Variants in GOLM2 observed in about 807,000 individuals in gnomAD.
GOLM2 encodes protein GOLM2.
In GOLM2, 26 loss-of-function variants were observed where a neutral mutation model predicts 55.9. That is an observed-to-expected ratio of 0.47 (90% CI 0.34 to 0.65). GOLM2 has a LOEUF of 0.65. GOLM2 is among the 30% of genes least tolerant of loss of function. The probability of loss-of-function intolerance (pLI) is 0.01; values close to 1 mark genes in which losing one functional copy is unlikely to be tolerated. For missense variants in GOLM2, 486 were observed against 531.8 expected, an observed-to-expected ratio of 0.91 and a Z score of 0.85; for synonymous variants, 165 against 194.6, an observed-to-expected ratio of 0.85 and a Z score of 1.27.
chr15:44,307,046 G>A (rs1052618342), intron 1 of GOLM2, among the ~76,000 whole-genome samples: 1 of 152,016 alleles, frequency 6.6e-6, no homozygotes, highest in East Asian at 1.9e-4. Context: ...GGGACATGAA[G>A]TGAGCACATG....
chr15:44,334,916 G>A (rs1165274863), intron 4 of GOLM2, among the ~76,000 whole-genome samples: 1 of 152,086 alleles, frequency 6.6e-6, no homozygotes, highest in African/African-American at 2.4e-5. Flanking sequence ...CTGTAATCCC[G>A]GCTACTCAGG....
chr15:44,366,043 A>G (rs1567036296), intron 6 of GOLM2, among the ~76,000 whole-genome samples: 1 of 152,124 alleles, frequency 6.6e-6, no homozygotes, highest in Non-Finnish European at 1.5e-5. Context: ...CACGCCTGTA[A>G]TCCCAGCACT....
chr15:44,376,772 CTTTT>C (rs1335421194), intron 6 of GOLM2, among the ~76,000 whole-genome samples: 1 of 151,950 alleles, frequency 6.6e-6, no homozygotes, highest in East Asian at 1.9e-4. Flanking sequence ...ATAATTACCT[CTTTT>C]TTTAATTTTT....
chr15:44,403,968 C>A (rs1483888724), intron 9 of GOLM2, among the ~76,000 whole-genome samples: 1 of 152,162 alleles, frequency 6.6e-6, no homozygotes, highest in Admixed American at 6.5e-5. Flanking sequence ...GTTACTTCTG[C>A]TGAGCATTTA....
At chr15:44,361,266 G>C (rs2079236365) in intron 6 of GOLM2, among the ~76,000 whole-genome samples, 1 of 152,112 alleles carries the variant, frequency 6.6e-6, no homozygotes, top group African/African-American at 2.4e-5. Flanking sequence ...AATCGAGCTG[G>C]TTTTTTGAAA....
chr15:44,310,504 A>C (rs1041880888), intron 1 of GOLM2, among the ~76,000 whole-genome samples: 34 of 141,692 alleles, frequency 2.4e-4, no homozygotes, highest in African/African-American at 6.8e-4. Flanking sequence ...ACACACACCC[A>C]CACACACACA....
chr15:44,351,318 T>C (rs1431698479), intron 6 of GOLM2, among the ~76,000 whole-genome samples: 2 of 152,114 alleles, frequency 1.3e-5, no homozygotes, highest in Non-Finnish European at 2.9e-5. Flanking sequence ...GGCTCACGCC[T>C]GTAATCCCAG....
intron 8 of GOLM2, among the ~76,000 whole-genome samples, chr15:44,382,642 A>C (rs11856569): frequency 0.33 from 49,516 of 151,876 alleles, 9,459 homozygotes; most frequent in Middle Eastern, 0.51. Context: ...TTTCTTCTAA[A>C]CTTATATTTA....
intron 9 of GOLM2, among the ~76,000 whole-genome samples, chr15:44,404,924 T>G (rs1406055951): frequency 1.3e-5 from 2 of 152,232 alleles, no homozygotes; most frequent in Non-Finnish European, 2.9e-5. Flanking sequence ...TATTCTCTAA[T>G]TTTTGTAAGG....
Position 44,380,726 on chromosome 15 carries a change from C to T in GOLM2, c.902-80C>T. 4.1e-6 allele frequency: 4 copies of T among 974,320 alleles called. No individual in the cohort carries two copies. The East Asian group carries it at 1.1e-4, about 26-fold the overall frequency. The allele number at this position is 974,320 out of a possible 1,614,324, so 60.4% of individuals were successfully genotyped here. A position where few individuals can be genotyped will look rare whatever the true frequency, so the allele number is the denominator to read the frequency against. ...TTAAACAATAGTGTGTCTTAGCTTT[C>T]TAAAGCAGATCTTGTGAAATTCATC... is the stretch of plus-strand genomic sequence containing the variant. On this transcript the variant is annotated intron_variant, in intron 7 of 9. Transcript: ENST00000299957.
chr15:44,399,247 T>C (rs1373200735), intron 8 of GOLM2, among the ~76,000 whole-genome samples: 1 of 152,250 alleles, frequency 6.6e-6, no homozygotes, highest in Non-Finnish European at 1.5e-5. Flanking sequence ...ATTCATTCAA[T>C]GTTTAATGCA....
intron 9 of GOLM2, among the ~76,000 whole-genome samples, chr15:44,411,308 A>G (rs1304780544): frequency 6.6e-6 from 1 of 151,978 alleles, no homozygotes; most frequent in Non-Finnish European, 1.5e-5. Flanking sequence ...AAGCTTGGAC[A>G]ACCATGCCTG....
In GOLM2 at chr15:44,414,673, T is replaced by C. The variant is rs563818876; in HGVS notation, c.*1267T>C. 1 of 152,412 alleles carries C rather than the reference T, an allele frequency of 6.6e-6. No homozygotes were observed. The highest frequency in any genetic ancestry group is 1.9e-4 in the East Asian group (1 of 5,190). 9.4% of individuals were successfully genotyped at this position (152,412 alleles called of 1,614,324 possible). On this transcript the variant is annotated 3_prime_UTR_variant, in exon 10 of 10. Transcript: ENST00000299957. ...TTCAGAAGTACTAAATAAGGAATTT[T>C]AACAGGTTTTTATTAATGCACAGAT... is the stretch of plus-strand genomic sequence containing the variant.
chr15:44,361,458 A>C lies in GOLM2; in HGVS notation c.803-18232A>C, dbSNP rs917578694. ...CTAGAAAATCTAGAAGAAATGGATAAATTCCTCGACACATACACTCTCCCA... is the reference window on the plus strand; with the variant it reads ...CTAGAAAATCTAGAAGAAATGGATACATTCCTCGACACATACACTCTCCCA... On this transcript the variant is annotated intron_variant, in intron 6 of 9. Coordinates refer to ENST00000299957, the MANE Select transcript of GOLM2 (RefSeq NM_138423.4). Among the ~76,000 whole-genome samples the C allele has an allele frequency of 5.9e-3, 896 of 152,226 alleles. 2 individuals carry two copies. The highest frequency in any genetic ancestry group is 0.021 in the African/African-American group (859 of 41,540).
chr15:44,392,891 C>T (rs2141204908), intron 8 of GOLM2, among the ~76,000 whole-genome samples: 1 of 152,270 alleles, frequency 6.6e-6, no homozygotes, highest in African/African-American at 2.4e-5. Flanking sequence ...ATTTCCTTAA[C>T]TCGATAGAGT....
intron 9 of GOLM2, among the ~76,000 whole-genome samples, chr15:44,403,998 T>C (rs1014934150): frequency 4.6e-5 from 7 of 152,230 alleles, no homozygotes; most frequent in African/African-American, 1.7e-4. Context: ...AAGTTCAGAA[T>C]CTACCTGTGT....
chr15:44,390,726 C>T (rs1264949040), intron 8 of GOLM2, among the ~76,000 whole-genome samples: 2 of 152,012 alleles, frequency 1.3e-5, no homozygotes, highest in East Asian at 1.9e-4. Context: ...TGCACCACCA[C>T]GCCCGGCTAA....
chr15:44,369,070 TATATATATATATATATATATATA>T (rs1567037156), intron 6 of GOLM2, among the ~76,000 whole-genome samples: 212 of 16,954 alleles, frequency 0.013, 11 homozygotes, highest in African/African-American at 0.068. Flanking sequence ...GGATATATTA[TATATATATATATATATATATATA>T]TATATATATA....
intron 8 of GOLM2, among the ~76,000 whole-genome samples, chr15:44,383,278 T>C (rs1466990561): frequency 6.6e-6 from 1 of 152,076 alleles, no homozygotes. Context: ...TCTCCAGTTA[T>C]TTCCTGTTCT....
Sources: gnomAD v4.1 joint callset for allele counts (sites outside exome capture counted in the v4.1 genomes callset) on GRCh38, gnomAD v4.1.1 for gene constraint, MANE v1.5 for transcripts, NCBI Gene and HGNC (gene_info 2026-07-23, HGNC 2026-07-21) for gene names.